PRIM2: variants seen among roughly 807,000 people sequenced by gnomAD.
PRIM2 encodes DNA primase large subunit.
In PRIM2, 39 loss-of-function variants were observed where a neutral mutation model predicts 67.3. That is an observed-to-expected ratio of 0.58 (90% confidence interval 0.45 to 0.76). The LOEUF (loss-of-function observed/expected upper bound fraction) is 0.76. Ranked by LOEUF, PRIM2 falls within the 30% of genes least tolerant of loss-of-function variation. The pLI, the probability that PRIM2 is intolerant of heterozygous loss-of-function variation, is 0.00. For synonymous variants in PRIM2, 143 were observed against 198.7 expected (o/e 0.72, Z 2.36); for missense variants, 398 against 598.7 (o/e 0.66, Z 3.50).
chr6:57,453,192 TGTA>T (rs1303189595), intron 7 of PRIM2, among the ~76,000 whole-genome samples: 2 of 152,208 alleles, frequency 1.3e-5, no homozygotes, highest in African/African-American at 2.4e-5. Flanking sequence ...ACTGTAGCCT[TGTA>T]GTATAGTTTG....
chr6:57,496,117 AG>A (rs1350453217), intron 7 of PRIM2, among the ~76,000 whole-genome samples: 2 of 152,208 alleles, frequency 1.3e-5, no homozygotes, highest in African/African-American at 2.4e-5. Flanking sequence ...GAGTTCCTGC[AG>A]AAAATGATAG....
chr6:57,456,837 G>T (rs1359734306), intron 7 of PRIM2, among the ~76,000 whole-genome samples: 1 of 152,156 alleles, frequency 6.6e-6, no homozygotes, highest in Non-Finnish European at 1.5e-5. Flanking sequence ...GTGAGGAGCT[G>T]CGTTCCTTTG....
At chr6:57,460,262 G>A (rs1772960161) in intron 7 of PRIM2, among the ~76,000 whole-genome samples, 1 of 151,622 alleles carries the variant, frequency 6.6e-6, no homozygotes, top group Admixed American at 6.6e-5. Context: ...TAGAAAAAAT[G>A]TTCTAATTTG....
chr6:57,288,606 C>A, the PRIM2 span, among the ~76,000 whole-genome samples: 2 of 152,046 alleles, frequency 1.3e-5, no homozygotes, highest in Admixed American at 6.6e-5. Context: ...GAGGAAGGAT[C>A]AGGCAGCAAT....
upstream of PRIM2, among the ~76,000 whole-genome samples, chr6:57,310,896 GGGGTGGCGGCCGGGCAGAGACA>G (rs1767369488): frequency 6.7e-6 from 1 of 148,678 alleles, no homozygotes; most frequent in Non-Finnish European, 1.5e-5. Context: ...CTTCCCAGAC[GGGGTGGCGGCCGGGCAGAGACA>G]CCCCTCGCCT....
chr6:57,533,311 C>A (rs1177726086), intron 9 of PRIM2, among the ~76,000 whole-genome samples: 50 of 152,122 alleles, frequency 3.3e-4, no homozygotes, highest in African/African-American at 1.2e-3. Context: ...AATAAGCCAG[C>A]CATAAATAAT....
At chr6:57,315,389 A>G (rs954306233), upstream of PRIM2, among the ~76,000 whole-genome samples, 1 of 152,174 alleles carries the variant, frequency 6.6e-6, no homozygotes, top group Non-Finnish European at 1.5e-5. Context: ...TGATCTTCCA[A>G]AAGATAAAGA....
chr6:57,285,079 G>T, the PRIM2 span, among the ~76,000 whole-genome samples: 1 of 152,310 alleles, frequency 6.6e-6, no homozygotes, highest in African/African-American at 2.4e-5. Context: ...TCAGGAAGAA[G>T]TCGAATCCCT....
At chr6:57,594,250 G>A in intron 10 of PRIM2, among the ~76,000 whole-genome samples, 1 of 152,270 alleles carries the variant, frequency 6.6e-6, no homozygotes, top group Middle Eastern at 3.4e-3. Context: ...GATAGCAGTT[G>A]TGAAGACATA....
At chr6:57,424,169 A>G (rs989948253) in intron 7 of PRIM2, among the ~76,000 whole-genome samples, 5 of 152,192 alleles carry the variant, frequency 3.3e-5, no homozygotes, top group African/African-American at 1.2e-4. Flanking sequence ...CCGAGAAAGT[A>G]GAGATTCTTT....
At chr6:57,281,103 T>G in the PRIM2 span, among the ~76,000 whole-genome samples, 1 of 152,308 alleles carries the variant, frequency 6.6e-6, no homozygotes, top group East Asian at 1.9e-4. Context: ...CAGTTCCAAA[T>G]ACAAATGTTG....
chr6:57,431,106 C>T (rs5002578), intron 7 of PRIM2, among the ~76,000 whole-genome samples: 2 of 152,108 alleles, frequency 1.3e-5, no homozygotes, highest in Non-Finnish European at 1.5e-5. Flanking sequence ...ACACAATCTT[C>T]GTCGTGTCCC....
In PRIM2 at chr6:57,339,639, A is replaced by T. The variant is rs562404060; in HGVS notation, c.459+13594A>T. ...CCTATTTAATAAATGGTGCTGGGAA[A>T]ACTGGCTAGCCATATGCAGAAAGCT... On this transcript the variant is annotated intron_variant, in intron 5 of 13. Coordinates refer to ENST00000615550, the MANE Select transcript of PRIM2 (RefSeq NM_000947.5). Among the ~76,000 whole-genome samples the T allele has an allele frequency of 2.6e-5, 4 of 152,318 alleles. No homozygotes were observed. The South Asian group carries it at 8.3e-4, about 32-fold the overall frequency.
At chr6:57,570,851 A>G (rs1404687380) in intron 10 of PRIM2, among the ~76,000 whole-genome samples, 3 of 152,234 alleles carry the variant, frequency 2.0e-5, no homozygotes, top group Non-Finnish European at 2.9e-5. Context: ...AGACTTCAAG[A>G]AAGTGTGTAA....
chr6:57,361,096 A>G (rs1270147110), intron 5 of PRIM2, among the ~76,000 whole-genome samples: 1 of 152,156 alleles, frequency 6.6e-6, no homozygotes, highest in East Asian at 1.9e-4. Flanking sequence ...TGAGAGATTC[A>G]TGTTAATGTT....
the PRIM2 span, among the ~76,000 whole-genome samples, chr6:57,260,909 A>G: frequency 6.6e-6 from 1 of 152,226 alleles, no homozygotes; most frequent in Non-Finnish European, 1.5e-5. Flanking sequence ...ATGACTGTTC[A>G]TGATCTCCAG....
At position 57,446,418 on chromosome 6, in the gene PRIM2, C is replaced by CTTTTT. The variant is rs397958660; in HGVS notation, c.694-60958_694-60954dup. ...GGCATAGGCCTGGCACACGCCACTT[C>CTTTTT]TTTTTTTTTTTTTTTGAGACAGTCT... On this transcript the variant is annotated intron_variant, in intron 7 of 13. Coordinates refer to ENST00000615550, the MANE Select transcript of PRIM2 (RefSeq NM_000947.5). 1.5e-3 allele frequency among the ~76,000 whole-genome samples: 124 copies of CTTTTT among 83,820 alleles called. 11 individuals are homozygous for CTTTTT. In the East Asian group the frequency reaches 0.019, roughly 13 times the overall value. 55.0% of individuals were successfully genotyped at this position (83,820 alleles called of 152,430 possible). A position where few individuals can be genotyped will look rare whatever the true frequency, so the allele number is the denominator to read the frequency against.
At chr6:57,608,249 A>G (rs1164161769) in intron 12 of PRIM2, among the ~76,000 whole-genome samples, 7 of 152,158 alleles carry the variant, frequency 4.6e-5, no homozygotes, top group South Asian at 2.1e-4. Context: ...TGAGAAGAGA[A>G]TAAGTTCCAC....
chr6:57,297,331 A>C, the PRIM2 span, among the ~76,000 whole-genome samples: 2 of 152,138 alleles, frequency 1.3e-5, no homozygotes, highest in South Asian at 4.1e-4. Flanking sequence ...AATCCCAGCT[A>C]CTCGGGAGGC....
Sources: allele counts gnomAD v4.1 joint callset (sites outside exome capture counted in the v4.1 genomes callset), GRCh38; gene constraint gnomAD v4.1.1; transcripts MANE v1.5; gene names NCBI Gene and HGNC (gene_info 2026-07-23, HGNC 2026-07-21).